NOL4: variants seen among roughly 807,000 people sequenced by gnomAD.
NOL4 encodes the protein nucleolar protein 4, also known as cancer/testis antigen 125.
In NOL4, 17 loss-of-function variants were observed where a neutral mutation model predicts 75.9. The ratio of observed to expected loss-of-function variants is 0.22; its 90% CI spans 0.15 to 0.34. The LOEUF (loss-of-function observed/expected upper bound fraction) is 0.34, where lower values mean the gene tolerates loss of function less well. Among genes scored for constraint, NOL4 ranks in the 10% least tolerant of loss-of-function variants. The pLI, the probability that NOL4 is intolerant of heterozygous loss-of-function variation, is 1.00. For synonymous variants in NOL4, 292 were observed against 289.9 expected (o/e 1.01, Z -0.07); for missense variants, 614 against 793.5 (o/e 0.77, Z 2.72).
In NOL4 at chr18:34,019,564, A is replaced by G; in HGVS notation, c.810T>C (p.Thr270=). Residue 270 remains threonine, a synonymous_variant, in exon 6 of 11, where the codon ACT becomes ACC. Transcript: ENST00000261592. The part of the protein sequence containing the change: ...SAAESFNGNE[T]LGHSSIASGG... ...CTGAAGCAATTGAACTGTGCCCCAG[A>G]GTCTCATTGCCATTAAAGCTCTCTG... The G allele has an allele frequency of 1.9e-6, 3 of 1,613,770 alleles. No individual in the cohort carries two copies. Among genetic ancestry groups the G allele is most frequent in the Non-Finnish European group, 2.5e-6 (3 of 1,179,800 alleles).
At chr18:34,032,143 C>T (rs1362428754) in intron 5 of NOL4, among the ~76,000 whole-genome samples, 5 of 152,186 alleles carry the variant, frequency 3.3e-5, no homozygotes, top group Non-Finnish European at 5.9e-5. Context: ...AAGCAAGAAG[C>T]CAGCTACCAC....
intron 1 of NOL4, among the ~76,000 whole-genome samples, chr18:34,142,502 T>G (rs1188114869): frequency 6.6e-6 from 1 of 152,138 alleles, no homozygotes; most frequent in Non-Finnish European, 1.5e-5. Flanking sequence ...TATGCAGCCA[T>G]AAAAAATGAT....
At chr18:34,027,162 A>C (rs1669720935) in intron 5 of NOL4, among the ~76,000 whole-genome samples, 1 of 152,228 alleles carries the variant, frequency 6.6e-6, no homozygotes, top group Non-Finnish European at 1.5e-5. Context: ...ATATAAAGAA[A>C]GTAAACTCAG....
intron 9 of NOL4, among the ~76,000 whole-genome samples, chr18:33,919,339 G>A (rs1158904139): frequency 5.3e-5 from 8 of 152,116 alleles, no homozygotes; most frequent in Non-Finnish European, 7.4e-5. Context: ...GGAGAGCTCA[G>A]GTAAAAATTG....
chr18:33,924,459 T>C (rs2067214179), intron 9 of NOL4, among the ~76,000 whole-genome samples: 1 of 152,178 alleles, frequency 6.6e-6, no homozygotes, highest in South Asian at 2.1e-4. Flanking sequence ...GGCCATCTAT[T>C]ACCATTCTCA....
chr18:33,928,221 T>C (rs762869343), intron 9 of NOL4, among the ~76,000 whole-genome samples: 5 of 152,162 alleles, frequency 3.3e-5, no homozygotes, highest in Non-Finnish European at 7.4e-5. Flanking sequence ...TATGTTTCCC[T>C]GTCTTTGGCA....
chr18:34,173,513 G>C (rs1377427861), intron 1 of NOL4, among the ~76,000 whole-genome samples: 1 of 151,562 alleles, frequency 6.6e-6, no homozygotes, highest in Non-Finnish European at 1.5e-5. Context: ...TGTATACCTT[G>C]GATATATAAA....
chr18:34,025,048 C>CA (rs2075275790), intron 5 of NOL4, among the ~76,000 whole-genome samples: 1 of 152,146 alleles, frequency 6.6e-6, no homozygotes, highest in African/African-American at 2.4e-5. Flanking sequence ...AGATGACTAA[C>CA]AGCCCTCAAT....
At chr18:33,915,291 C>T (rs1473605793) in intron 9 of NOL4, among the ~76,000 whole-genome samples, 1 of 151,928 alleles carries the variant, frequency 6.6e-6, no homozygotes. Flanking sequence ...AGGATGAAAT[C>T]AAAGGAGAGA....
chr18:34,101,210 G>C lies in NOL4; in HGVS notation c.639+2837C>G, dbSNP rs752959719. On this transcript the variant is annotated intron_variant, in intron 4 of 10. Coordinates refer to ENST00000261592, the MANE Select transcript of NOL4 (RefSeq NM_003787.5). Reference sequence around the variant, plus strand: ...ATAAGAGGACCATTGAAAACCCTTGGCATTAGCTTCTTCTAGAAACATGTA... The same window carrying C: ...ATAAGAGGACCATTGAAAACCCTTGCCATTAGCTTCTTCTAGAAACATGTA... Among the ~76,000 whole-genome samples the C allele has an allele frequency of 1.2e-3, 185 of 152,272 alleles. 1 individual carries two copies. The highest frequency in any genetic ancestry group is 1.3e-3 in the Non-Finnish European group (88 of 68,008).
chr18:34,079,003 T>C (rs1238394117), intron 5 of NOL4, among the ~76,000 whole-genome samples: 1 of 152,206 alleles, frequency 6.6e-6, no homozygotes, highest in Non-Finnish European at 1.5e-5. Context: ...CATTTTTTCT[T>C]TTTAATTGAA....
chr18:34,139,618 TA>T (rs1295625011), intron 1 of NOL4, among the ~76,000 whole-genome samples: 4 of 152,052 alleles, frequency 2.6e-5, no homozygotes, highest in Admixed American at 6.6e-5. Flanking sequence ...TTCATCTTTT[TA>T]AAAAACCAGC....
chr18:33,977,114 A>C (rs1199306874), intron 6 of NOL4, among the ~76,000 whole-genome samples: 1 of 152,206 alleles, frequency 6.6e-6, no homozygotes, highest in Non-Finnish European at 1.5e-5. Context: ...TGTGCTTATT[A>C]TATTCCAGAA....
intron 6 of NOL4, among the ~76,000 whole-genome samples, chr18:33,962,152 T>TTTGTGCA (rs1439699557): frequency 1.3e-5 from 2 of 152,106 alleles, no homozygotes; most frequent in Non-Finnish European, 2.9e-5. Flanking sequence ...GATAGCATCA[T>TTTGTGCA]TTGTGCATCT....
At chr18:34,178,162 T>C (rs1207766942) in intron 1 of NOL4, among the ~76,000 whole-genome samples, 1 of 151,760 alleles carries the variant, frequency 6.6e-6, no homozygotes, top group Non-Finnish European at 1.5e-5. Flanking sequence ...ATTATGTTGG[T>C]ATAAATGTTA....
At chr18:34,217,804 T>C (rs1031813502) in intron 1 of NOL4, among the ~76,000 whole-genome samples, 1 of 152,098 alleles carries the variant, frequency 6.6e-6, no homozygotes, top group African/African-American at 2.4e-5. Context: ...ATATAGTATA[T>C]GTTAGTATAT....
At chr18:34,055,608 G>T (rs1279238834) in intron 5 of NOL4, among the ~76,000 whole-genome samples, 1 of 151,922 alleles carries the variant, frequency 6.6e-6, no homozygotes, top group Non-Finnish European at 1.5e-5. Flanking sequence ...GGTTGCAGTT[G>T]GTTGAGTTTC....
chr18:34,211,382 C>T (rs974206776), intron 1 of NOL4, among the ~76,000 whole-genome samples: 1 of 152,150 alleles, frequency 6.6e-6, no homozygotes, highest in Non-Finnish European at 1.5e-5. Flanking sequence ...TGACCCACAT[C>T]TGATATTCAA....
At chr18:33,879,877 C>G (rs968224982) in intron 10 of NOL4, among the ~76,000 whole-genome samples, 1 of 151,824 alleles carries the variant, frequency 6.6e-6, no homozygotes, top group African/African-American at 2.4e-5. Context: ...AAATAGGTTC[C>G]TAAGAGAGAG....
Sources: gnomAD v4.1 joint callset for allele counts (sites outside exome capture counted in the v4.1 genomes callset) on GRCh38, gnomAD v4.1.1 for gene constraint, MANE v1.5 for transcripts, NCBI Gene and HGNC (gene_info 2026-07-23, HGNC 2026-07-21) for gene names.